Variants in EFCAB6 observed in about 807,000 individuals in gnomAD.
The protein encoded by EFCAB6 is EF-hand calcium-binding domain-containing protein 6.
Under a neutral mutation model 169.8 loss-of-function variants are expected in EFCAB6, and 156 were observed. That is an observed-to-expected ratio of 0.92 (90% confidence interval 0.81 to 1.05). The LOEUF (loss-of-function observed/expected upper bound fraction) is 1.05. Ranked by LOEUF, EFCAB6 falls within the 50% of genes least tolerant of loss-of-function variation. The pLI is 0.00. For synonymous variants in EFCAB6, 698 were observed against 676.4 expected (o/e 1.03, Z -0.50); for missense variants, 1,800 against 1,829.1 (o/e 0.98, Z 0.29).
At chr22:43,561,481 G>C (rs1358364866) in intron 26 of EFCAB6, among the ~76,000 whole-genome samples, 4 of 152,064 alleles carry the variant, frequency 2.6e-5, no homozygotes, top group Non-Finnish European at 5.9e-5. Flanking sequence ...GAGCAGAAGG[G>C]AGGAACCACC....
At chr22:43,571,576 C>T (rs994512152) in intron 26 of EFCAB6, among the ~76,000 whole-genome samples, 55 of 152,268 alleles carry the variant, frequency 3.6e-4, no homozygotes, top group Admixed American at 2.5e-3. Flanking sequence ...GGTTCTTCCC[C>T]GGCTGCCTTC....
intron 2 of EFCAB6, among the ~76,000 whole-genome samples, chr22:43,799,329 C>CCACACACACACACACACACA (rs112231545): frequency 5.5e-5 from 8 of 146,548 alleles, no homozygotes; most frequent in Non-Finnish European, 6.0e-5. Flanking sequence ...GAATCTGTCT[C>CCACACACACACACACACACA]CACACACACA....
chr22:43,562,187 T>C (rs1295906574), intron 26 of EFCAB6, among the ~76,000 whole-genome samples: 1 of 152,236 alleles, frequency 6.6e-6, no homozygotes, highest in African/African-American at 2.4e-5. Flanking sequence ...GGGACCTTGT[T>C]TGAGCAAACA....
intron 18 of EFCAB6, 87 bp downstream of exon 18, chr22:43,635,015 C>T: frequency 1.9e-6 from 2 of 1,026,680 alleles, no homozygotes; most frequent in Non-Finnish European, 1.5e-6. Flanking sequence ...GCTACTTCAA[C>T]CCGAGTGGCC....
At chr22:43,775,664 G>A (rs1287027113) in intron 3 of EFCAB6, among the ~76,000 whole-genome samples, 1 of 152,106 alleles carries the variant, frequency 6.6e-6, no homozygotes, top group Non-Finnish European at 1.5e-5. Context: ...GGCTGGTCTC[G>A]AACTCCTGAC....
intron 17 of EFCAB6, among the ~76,000 whole-genome samples, chr22:43,653,446 A>T (rs931145164): frequency 7.9e-5 from 12 of 152,192 alleles, no homozygotes; most frequent in Non-Finnish European, 1.6e-4. Flanking sequence ...GCCAACCTAG[A>T]ATGTTTTTCC....
At chr22:43,554,674 GA>G in intron 27 of EFCAB6, 194 bp downstream of exon 27, 1 of 601,876 alleles carries the variant, frequency 1.7e-6, no homozygotes, top group Non-Finnish European at 2.9e-6. Context: ...GTACCCTGAT[GA>G]AAATGGTGTA....
rs537255720 is a variant in EFCAB6 at position 43,590,083 on chromosome 22, A to C, written c.3023T>G (p.Leu1008Arg). The C allele has an allele frequency of 6.2e-7, 1 of 1,613,440 alleles. No individual in the cohort carries two copies. Among genetic ancestry groups the C allele is most frequent in the South Asian group, 1.1e-5 (1 of 90,824 alleles). ...CTGAGTCCAAAAAGACCTGTTTAGC[A>C]GATGGGTCAGCTCCCCTTCGGTAAG... ...CSLTEGELTH[L>R]LNSWGVSRHD... Residue 1008 changes from leucine to arginine, a missense_variant, in exon 24 of 32, where the codon CTG becomes CGG. Leu to Arg is a moderately radical substitution (Grantham distance 102). Transcript: ENST00000262726.
At chr22:43,587,202 C>T (rs1272247538) in intron 24 of EFCAB6, among the ~76,000 whole-genome samples, 1 of 152,156 alleles carries the variant, frequency 6.6e-6, no homozygotes, top group East Asian at 1.9e-4. Flanking sequence ...TCCCTCCCAA[C>T]CCTAATGGAA....
chr22:43,642,261 C>T (rs909304920), intron 17 of EFCAB6, among the ~76,000 whole-genome samples: 3 of 152,094 alleles, frequency 2.0e-5, no homozygotes, highest in Non-Finnish European at 4.4e-5. Flanking sequence ...TTTTAGCCAT[C>T]CCTCCGTGCC....
intron 21 of EFCAB6, among the ~76,000 whole-genome samples, chr22:43,611,826 T>C (rs2053327288): frequency 6.6e-6 from 1 of 151,954 alleles, no homozygotes; most frequent in African/African-American, 2.4e-5. Context: ...ATAAAATTCA[T>C]ATGGAACCAA....
In EFCAB6 at chr22:43,576,348, G is replaced by C; in HGVS notation, c.3369C>G (p.Pro1123=). Reference sequence around the variant, plus strand: ...GGAGAAAATATTTCCAATTTATATAGGGGGTTAGATGAATTCTTAGTTTCC... The same window carrying C: ...GGAGAAAATATTTCCAATTTATATACGGGGTTAGATGAATTCTTAGTTTCC... ...FLRKLRIHLT[P]YINWKYFLQN... The change falls in exon 26 of 32, where the codon CCC becomes CCG. Residue 1123 remains proline (P), a synonymous_variant. Transcript: ENST00000262726. The C allele has an allele frequency of 6.3e-7, 1 of 1,598,582 alleles. No homozygotes were observed. Among genetic ancestry groups the C allele is most frequent in the Non-Finnish European group, 8.5e-7 (1 of 1,176,138 alleles).
In EFCAB6 at chr22:43,590,542, A is replaced by G. The variant is rs929059256; in HGVS notation, c.2877-313T>C. ...GAATTGAAAAAGCCAGTGGTTTTACATATAGACATGTGAAATACACACTCA... is the reference window on the plus strand; with the variant it reads ...GAATTGAAAAAGCCAGTGGTTTTACGTATAGACATGTGAAATACACACTCA... On this transcript the variant is annotated intron_variant, in intron 23 of 31. Coordinates refer to ENST00000262726, the MANE Select transcript of EFCAB6 (RefSeq NM_022785.4). Among the ~76,000 whole-genome samples the G allele has an allele frequency of 1.2e-3, 176 of 152,230 alleles. 1 individual carries two copies. The highest frequency in any genetic ancestry group is 4.0e-4 in the Non-Finnish European group (27 of 68,036).
chr22:43,540,452 A>G, intron 27 of EFCAB6, 95 bp from the exon 28 acceptor site: 4 of 1,580,214 alleles, frequency 2.5e-6, no homozygotes, highest in Non-Finnish European at 3.4e-6. Flanking sequence ...CCGGCCTCGC[A>G]GGAGGTGAGC....
At position 43,637,822 on chromosome 22, in the gene EFCAB6, C is replaced by T. The variant is rs548579856; in HGVS notation, c.1984-2606G>A. ...TGGCCCCCGCAGAAGCACACACAGC[C>T]GCGGTGAGCCTCTGGTTGCTTGCTT... is the stretch of plus-strand genomic sequence containing the variant. On this transcript the variant is annotated intron_variant, in intron 17 of 31. Transcript: ENST00000262726. Among the ~76,000 whole-genome samples, 19 of 152,314 alleles carry T rather than the reference C, an allele frequency of 1.2e-4. No homozygotes were observed. The East Asian group carries it at 2.7e-3, about 22-fold the overall frequency.
At chr22:43,575,363 T>G (rs921476416) in intron 26 of EFCAB6, among the ~76,000 whole-genome samples, 8 of 147,970 alleles carry the variant, frequency 5.4e-5, no homozygotes, top group African/African-American at 2.0e-4. Context: ...GCTATGTTTT[T>G]TTTTTTTTTT....
At chr22:43,636,947 T>C (rs2055447767) in intron 17 of EFCAB6, among the ~76,000 whole-genome samples, 1 of 152,110 alleles carries the variant, frequency 6.6e-6, no homozygotes, top group African/African-American at 2.4e-5. Context: ...AGATCTACTT[T>C]TGGAGTAAGG....
chr22:43,590,092 A>G lies in EFCAB6; in HGVS notation c.3014T>C (p.Leu1005Pro), dbSNP rs750686316. Residue 1005 changes from leucine to proline, a missense_variant, in exon 24 of 32, where the codon CTG becomes CCG. Physicochemically the swap from Leu to Pro is moderately conservative, Grantham distance 98. Coordinates refer to ENST00000262726, the MANE Select transcript of EFCAB6 (RefSeq NM_022785.4). ...ECGCSLTEGE[L>P]THLLNSWGVS... ...AAAAGACCTGTTTAGCAGATGGGTC[A>G]GCTCCCCTTCGGTAAGAGAACATCC... 1.2e-6 allele frequency: 2 copies of G among 1,613,996 alleles called. No individual in the cohort carries two copies. The highest frequency in any genetic ancestry group is 2.2e-5 in the South Asian group (2 of 91,018).
At chr22:43,721,022 A>G (rs987930070) in intron 8 of EFCAB6, among the ~76,000 whole-genome samples, 2 of 152,208 alleles carry the variant, frequency 1.3e-5, no homozygotes, top group African/African-American at 4.8e-5. Context: ...AATCATTTAA[A>G]CAAGGTTTCA....
Sources: gnomAD v4.1 joint callset for allele counts (sites outside exome capture counted in the v4.1 genomes callset) on GRCh38, gnomAD v4.1.1 for gene constraint, MANE v1.5 for transcripts, NCBI Gene and HGNC (gene_info 2026-07-23, HGNC 2026-07-21) for gene names.